Variants in AKAP7 observed in about 807,000 individuals in gnomAD.
AKAP7 encodes A-kinase anchoring protein 7, also known as A kinase (PRKA) anchor protein 7.
A neutral mutation model predicts 39.5 loss-of-function variants in AKAP7; 39 were observed. The observed-to-expected ratio is 0.99, with a 90% CI of 0.76 to 1.29. The LOEUF (loss-of-function observed/expected upper bound fraction) is 1.29, where lower values mean the gene tolerates loss of function less well. Ranked by LOEUF, AKAP7 falls within the 50% of genes most tolerant of loss-of-function variation. The pLI, the probability that AKAP7 is intolerant of heterozygous loss-of-function variation, is 0.00. For synonymous variants in AKAP7, 140 were observed against 139.1 expected (o/e 1.01, Z -0.05); for missense variants, 414 against 407.7 (o/e 1.02, Z -0.13).
intron 5 of AKAP7, among the ~76,000 whole-genome samples, chr6:131,170,505 T>A (rs1252071495): frequency 1.3e-5 from 2 of 152,200 alleles, no homozygotes; most frequent in Non-Finnish European, 2.9e-5. Context: ...CTGAAGTCAG[T>A]GTTTACTTCC....
intron 3 of AKAP7, among the ~76,000 whole-genome samples, chr6:131,161,644 C>CAAAAAAAAAAAAAAAAAAAA (rs55744190): frequency 3.6e-4 from 12 of 33,624 alleles, no homozygotes; most frequent in African/African-American, 4.3e-4. Context: ...GACTGTATCT[C>CAAAAAAAAAAAAAAAAAAAA]AAAAAAAAAA....
At chr6:131,157,937 C>T (rs1802570836) in intron 2 of AKAP7, among the ~76,000 whole-genome samples, 1 of 152,248 alleles carries the variant, frequency 6.6e-6, no homozygotes, top group South Asian at 2.1e-4. Flanking sequence ...GGCCACCTTG[C>T]TCTTAGTTTA....
chr6:131,246,115 A>G (rs1203641675), intron 7 of AKAP7, among the ~76,000 whole-genome samples: 3 of 150,224 alleles, frequency 2.0e-5, no homozygotes, highest in African/African-American at 4.9e-5. Flanking sequence ...ATATATATAT[A>G]TATGTTCAGT....
chr6:131,141,024 T>C (rs1800985039), intron 1 of AKAP7, among the ~76,000 whole-genome samples: 1 of 152,238 alleles, frequency 6.6e-6, no homozygotes. Context: ...GTAATATAAA[T>C]AGTAACATTA....
intron 6 of AKAP7, chr6:131,200,966 A>G (rs1807501938): frequency 6.6e-6 from 1 of 152,214 alleles, no homozygotes; most frequent in African/African-American, 2.4e-5. Flanking sequence ...CTTTGAAATG[A>G]GAGCACCCAA....
chr6:131,137,962 A>G lies in AKAP7; in HGVS notation c.19+2180A>G, dbSNP rs768554398. Among the ~76,000 whole-genome samples, 211 of 152,096 alleles carry G rather than the reference A, an allele frequency of 1.4e-3. 5 individuals are homozygous for G. Among genetic ancestry groups the G allele is most frequent in the Non-Finnish European group, 3.7e-4 (25 of 68,032 alleles). On this transcript the variant is annotated intron_variant, in intron 1 of 7. Transcript: ENST00000431975. ...TATATCTCCTTTCTAAAAACTTGGCATTTGTTGTTAGCTTTTTTCTGTCAT... is the reference window on the plus strand; with the variant it reads ...TATATCTCCTTTCTAAAAACTTGGCGTTTGTTGTTAGCTTTTTTCTGTCAT...
At chr6:131,216,927 A>T (rs1175884248) in intron 6 of AKAP7, among the ~76,000 whole-genome samples, 2 of 152,214 alleles carry the variant, frequency 1.3e-5, no homozygotes, top group African/African-American at 4.8e-5. Context: ...AAGATACCTC[A>T]CATATTTTTC....
chr6:131,224,674 T>TA (rs575475619), intron 7 of AKAP7, among the ~76,000 whole-genome samples: 47 of 142,546 alleles, frequency 3.3e-4, no homozygotes, highest in South Asian at 2.7e-3. Flanking sequence ...TAAGACATCT[T>TA]AAAAAAAAAA....
chr6:131,243,435 G>A (rs954833342), intron 7 of AKAP7, among the ~76,000 whole-genome samples: 3 of 152,162 alleles, frequency 2.0e-5, no homozygotes, highest in African/African-American at 7.2e-5. Context: ...CATGTCAGCC[G>A]GGGCTGTGGT....
chr6:131,140,844 A>G lies in AKAP7; in HGVS notation c.20-4441A>G, dbSNP rs140383680. ...ATTCATCTATGAAAACTTTTATTTA[A>G]GCCTAAGCTGCATTTGTGTTTTTAA... On this transcript the variant is annotated intron_variant, in intron 1 of 7. Coordinates refer to ENST00000431975, the MANE Select transcript of AKAP7 (RefSeq NM_016377.4). Among the ~76,000 whole-genome samples, 61 of 152,322 alleles carry G rather than the reference A, an allele frequency of 4.0e-4. No homozygotes were observed. The East Asian group carries it at 0.011, about 28-fold the overall frequency.
At chr6:131,132,289 G>A (rs1312337779), upstream of AKAP7, among the ~76,000 whole-genome samples, 4 of 150,590 alleles carry the variant, frequency 2.7e-5, no homozygotes, top group Admixed American at 6.7e-5. Context: ...CTCCAGCCTG[G>A]GCGACAGAGC....
intron 5 of AKAP7, among the ~76,000 whole-genome samples, chr6:131,197,201 T>C (rs1807025669): frequency 6.6e-6 from 1 of 152,204 alleles, no homozygotes; most frequent in South Asian, 2.1e-4. Context: ...GGTGGTCATA[T>C]GGTTATTTAT....
chr6:131,192,288 G>T (rs1218099802), intron 5 of AKAP7, among the ~76,000 whole-genome samples: 4 of 152,052 alleles, frequency 2.6e-5, no homozygotes, highest in African/African-American at 9.7e-5. Context: ...TAGGTGTCTA[G>T]TTTCATTCTT....
chr6:131,193,718 G>T (rs928503080), intron 5 of AKAP7, among the ~76,000 whole-genome samples: 2 of 151,770 alleles, frequency 1.3e-5, no homozygotes, highest in African/African-American at 2.4e-5. Context: ...TTATTATGAC[G>T]TTTATCTCAT....
rs775345528 is a variant in AKAP7 at position 131,199,592 on chromosome 6, T to C, written c.702+19T>C. On this transcript the variant is annotated intron_variant, in intron 6 of 7. Coordinates refer to ENST00000431975, the MANE Select transcript of AKAP7 (RefSeq NM_016377.4). ...TAAGAATGTGAGTGCATGTTCTTAT[T>C]GCAAGCCTGTTTTACCAGGCCACAC... 6.5e-7 allele frequency: 1 copy of C among 1,544,484 alleles called. No individual in the cohort carries two copies. The highest frequency in any genetic ancestry group is 9.0e-7 in the Non-Finnish European group (1 of 1,117,054).
intron 5 of AKAP7, among the ~76,000 whole-genome samples, chr6:131,195,536 C>T (rs761754151): frequency 1.8e-4 from 27 of 152,004 alleles, no homozygotes; most frequent in Non-Finnish European, 2.6e-4. Flanking sequence ...GAGTTTTGTA[C>T]CTTCAGATGA....
At chr6:131,247,946 A>G (rs1463985578) in intron 7 of AKAP7, among the ~76,000 whole-genome samples, 1 of 152,126 alleles carries the variant, frequency 6.6e-6, no homozygotes, top group Non-Finnish European at 1.5e-5. Context: ...TTAATTGCAC[A>G]TTTTCAGAAG....
intron 7 of AKAP7, among the ~76,000 whole-genome samples, chr6:131,280,966 TA>T (rs1045442984): frequency 2.0e-5 from 3 of 151,828 alleles, no homozygotes; most frequent in Non-Finnish European, 4.4e-5. Flanking sequence ...GCACTGGGAT[TA>T]AAAAAAATAT....
At chr6:131,193,527 T>C (rs777681179) in intron 5 of AKAP7, among the ~76,000 whole-genome samples, 2 of 152,138 alleles carry the variant, frequency 1.3e-5, no homozygotes, top group African/African-American at 2.4e-5. Flanking sequence ...CTTTCTTTGA[T>C]GTGTCTTTGT....
Sources: gnomAD v4.1 joint callset for allele counts (sites outside exome capture counted in the v4.1 genomes callset) on GRCh38, gnomAD v4.1.1 for gene constraint, MANE v1.5 for transcripts, NCBI Gene and HGNC (gene_info 2026-07-23, HGNC 2026-07-21) for gene names.